ASCC3: variants seen among roughly 807,000 people sequenced by gnomAD.
The protein encoded by ASCC3 is ASC-1 complex subunit P200.
A neutral mutation model predicts 256.3 loss-of-function variants in ASCC3; 158 were observed. That is an observed-to-expected ratio of 0.62 (90% confidence interval 0.54 to 0.70). The LOEUF (loss-of-function observed/expected upper bound fraction) is 0.70, where lower values mean the gene tolerates loss of function less well. Among genes scored for constraint, ASCC3 ranks in the 30% least tolerant of loss-of-function variants. The pLI, the probability that ASCC3 is intolerant of heterozygous loss-of-function variation, is 0.00. For missense variants in ASCC3, 2,259 were observed against 2,626.0 expected, an observed-to-expected ratio of 0.86 and a Z score of 3.05; for synonymous variants, 948 against 883.4, an observed-to-expected ratio of 1.07 and a Z score of -1.30.
At chr6:100,522,699 A>C (rs1774371433) in intron 37 of ASCC3, among the ~76,000 whole-genome samples, 1 of 151,982 alleles carries the variant, frequency 6.6e-6, no homozygotes, top group African/African-American at 2.4e-5. Context: ...CGTGATTAGG[A>C]TGGATGTTTG....
At chr6:100,622,349 T>A (rs1402059262) in intron 30 of ASCC3, among the ~76,000 whole-genome samples, 1 of 152,132 alleles carries the variant, frequency 6.6e-6, no homozygotes, top group African/African-American at 2.4e-5. Flanking sequence ...TCTCACAAGA[T>A]CTGATCGTTT....
intron 18 of ASCC3, 106 bp downstream of exon 18, chr6:100,652,619 G>T: frequency 8.2e-7 from 1 of 1,220,034 alleles, no homozygotes; most frequent in Non-Finnish European, 1.2e-6. Context: ...TAAGTTAAAT[G>T]GATTTTGTTC....
chr6:100,575,413 T>C (rs1770807561), intron 36 of ASCC3, among the ~76,000 whole-genome samples: 2 of 152,086 alleles, frequency 1.3e-5, no homozygotes, highest in African/African-American at 4.8e-5. Flanking sequence ...AATTCAAGCA[T>C]TAAAAATGTT....
intron 36 of ASCC3, 57 bp downstream of exon 36, chr6:100,589,577 G>T: frequency 6.2e-7 from 1 of 1,602,014 alleles, no homozygotes; most frequent in South Asian, 1.1e-5. Flanking sequence ...CAAACTAGGT[G>T]GCAAAACTTT....
chr6:100,770,225 T>C (rs79589371), intron 8 of ASCC3, among the ~76,000 whole-genome samples: 2,207 of 152,166 alleles, frequency 0.015, 47 homozygotes, highest in African/African-American at 0.051. Context: ...ATCATCTTAA[T>C]AAATGCAGAA....
chr6:100,770,720 A>C (rs996001199), intron 8 of ASCC3, among the ~76,000 whole-genome samples: 2 of 152,026 alleles, frequency 1.3e-5, no homozygotes, highest in South Asian at 2.1e-4. Context: ...CAATTTTTTT[A>C]ATCAGTAAAA....
rs369139609 is a variant in ASCC3, at chr6:100,559,553, T to C, written c.5551-19166A>G. On this transcript the variant is annotated intron_variant, in intron 36 of 41. Transcript: ENST00000369162. Reference sequence around the variant, plus strand: ...AAGGAGACAATAGTCATTGGACGTATAAATTCTGTTACAGGGCTGGGCATG... The same window carrying C: ...AAGGAGACAATAGTCATTGGACGTACAAATTCTGTTACAGGGCTGGGCATG... Among the ~76,000 whole-genome samples the C allele has an allele frequency of 1.4e-4, 22 of 152,206 alleles. No individual in the cohort carries two copies. In the East Asian group the frequency reaches 4.1e-3, roughly 28 times the overall value.
chr6:100,753,305 C>CAAA (rs66659985), intron 10 of ASCC3, among the ~76,000 whole-genome samples: 31 of 147,114 alleles, frequency 2.1e-4, no homozygotes, highest in African/African-American at 6.3e-4. Flanking sequence ...TATTCAATAG[C>CAAA]AAAACAAAAC....
At chr6:100,848,062 T>C in intron 4 of ASCC3, 86 bp downstream of exon 4, 2 of 1,329,798 alleles carry the variant, frequency 1.5e-6, no homozygotes, top group Admixed American at 2.5e-5. Flanking sequence ...TAAAGAACTT[T>C]CTTTGCTAAC....
intron 30 of ASCC3, among the ~76,000 whole-genome samples, chr6:100,620,717 TAG>T (rs1773907546): frequency 6.6e-6 from 1 of 152,130 alleles, no homozygotes; most frequent in Non-Finnish European, 1.5e-5. Context: ...TTGTCAACAC[TAG>T]AGTCTTAACC....
chr6:100,707,919 T>C (rs954015834), intron 13 of ASCC3, among the ~76,000 whole-genome samples: 1 of 152,108 alleles, frequency 6.6e-6, no homozygotes, highest in African/African-American at 2.4e-5. Context: ...CATACCTTCC[T>C]TTCATATGAC....
At chr6:100,803,974 A>C (rs909177100) in intron 5 of ASCC3, among the ~76,000 whole-genome samples, 2 of 152,106 alleles carry the variant, frequency 1.3e-5, no homozygotes, top group African/African-American at 4.8e-5. Context: ...AGGTAAAAAA[A>C]AATTGTTTTC....
At chr6:100,810,026 A>G (rs949286071) in intron 4 of ASCC3, among the ~76,000 whole-genome samples, 15 of 152,154 alleles carry the variant, frequency 9.9e-5, no homozygotes, top group Admixed American at 1.3e-4. Context: ...AAAATCCTTC[A>G]TAGTATCCTG....
chr6:100,677,035 T>G (rs796534940), intron 14 of ASCC3, among the ~76,000 whole-genome samples: 21 of 152,254 alleles, frequency 1.4e-4, no homozygotes, highest in African/African-American at 5.1e-4. Flanking sequence ...TGTTTTGGGT[T>G]CTTAATTTCC....
chr6:100,681,430 T>C (rs1400994612), intron 13 of ASCC3, among the ~76,000 whole-genome samples: 2 of 151,902 alleles, frequency 1.3e-5, no homozygotes, highest in African/African-American at 4.8e-5. Flanking sequence ...GGAAATATGA[T>C]CATAAGAACA....
At chr6:100,761,683 T>C (rs1002588840) in intron 10 of ASCC3, among the ~76,000 whole-genome samples, 7 of 152,122 alleles carry the variant, frequency 4.6e-5, no homozygotes, top group Admixed American at 4.6e-4. Flanking sequence ...TGACTATGGC[T>C]GCACAAAAAG....
chr6:100,830,049 C>T (rs1055282063), intron 4 of ASCC3, among the ~76,000 whole-genome samples: 7 of 151,954 alleles, frequency 4.6e-5, no homozygotes, highest in Non-Finnish European at 1.0e-4. Context: ...TACAAGACTA[C>T]CCACAACGGC....
intron 37 of ASCC3, 98 bp downstream of exon 37, chr6:100,540,065 A>G (rs1235402667): frequency 9.3e-7 from 1 of 1,080,578 alleles, no homozygotes; most frequent in Non-Finnish European, 1.4e-6. Flanking sequence ...GCTACCATAA[A>G]GTTGTTAAAT....
chr6:100,795,331 A>T (rs1582875153), intron 8 of ASCC3, among the ~76,000 whole-genome samples: 1 of 152,042 alleles, frequency 6.6e-6, no homozygotes, highest in South Asian at 2.1e-4. Context: ...ATAATAAGAG[A>T]AACACAAAAG....
Sources: allele counts gnomAD v4.1 joint callset (sites outside exome capture counted in the v4.1 genomes callset), GRCh38; gene constraint gnomAD v4.1.1; transcripts MANE v1.5; gene names NCBI Gene and HGNC (gene_info 2026-07-23, HGNC 2026-07-21).